The following ASAH1 variants were observed in gnomAD, a reference collection of about 807,000 sequenced individuals.
ASAH1 encodes the protein N-acylsphingosine amidohydrolase 1.
ASAH1 carries 70 observed loss-of-function variants against 59.5 expected under a neutral mutation model. The ratio of observed to expected loss-of-function variants is 1.18; its 90% confidence interval spans 0.97 to 1.43. The LOEUF is 1.43. Among genes scored for constraint, ASAH1 ranks in the 40% most tolerant of loss-of-function variants. ASAH1 has a pLI of 0.00. For missense variants in ASAH1, 660 were observed against 482.5 expected (o/e 1.37, Z -3.45); for synonymous variants, 213 against 166.5 (o/e 1.28, Z -2.15).
rs144363797 is a variant in ASAH1, at chr8:18,059,414, C to T, written c.968G>A (p.Arg323His). ...ATCAAGGAAGAAGGGATGTTTCCAA[C>T]GGTCATAATTTGTTTGTACCACATA... ...RWYVVQTNYD[R>H]WKHPFFLDDR... is the part of the protein sequence containing the mutation. Residue 323 changes from arginine (R) to histidine (H), a missense_variant, in exon 12 of 14, where the codon CGT becomes CAT. By Grantham distance (29) the Arg-to-His change is conservative. Coordinates refer to ENST00000637790, the MANE Select transcript of ASAH1 (RefSeq NM_177924.5). The T allele has an allele frequency of 3.0e-5, 49 of 1,614,136 alleles. No homozygotes were observed. The highest frequency in any genetic ancestry group is 1.3e-4 in the Admixed American group (8 of 60,012).
chr8:18,064,528 TCTC>T lies in ASAH1; in HGVS notation c.383_385del (p.Gly128del), dbSNP rs1223284488. Reference sequence around the variant, plus strand: ...ATAAAAAATATTGAATGAAATAATCTCTCCTATGAGAAAAGAAAATTTTGTGTT... The same window carrying T: ...ATAAAAAATATTGAATGAAATAATCTCTATGAGAAAAGAAAATTTTGTGTT... On this transcript the variant is annotated inframe_deletion and splice_region_variant, in exon 6 of 14. Coordinates refer to ENST00000637790, the MANE Select transcript of ASAH1 (RefSeq NM_177924.5). 6.6e-7 allele frequency: 1 copy of T among 1,524,112 alleles called. No homozygotes were observed. The highest frequency in any genetic ancestry group is 9.0e-7 in the Non-Finnish European group (1 of 1,105,426). 94.4% of individuals were successfully genotyped at this position (1,524,112 alleles called of 1,614,324 possible). A position where few individuals can be genotyped will look rare whatever the true frequency, so the allele number is the denominator to read the frequency against.
intron 1 of ASAH1, chr8:18,082,393 GCT>G (rs1308839070): frequency 2.0e-5 from 3 of 152,128 alleles, no homozygotes; most frequent in African/African-American, 7.2e-5. Flanking sequence ...AGCCAGGTAA[GCT>G]CTGTTTTCCT....
chr8:18,083,768 G>T, intron 1 of ASAH1: 1 of 926,056 alleles, frequency 1.1e-6, no homozygotes, highest in Admixed American at 2.8e-5. Flanking sequence ...TTCCTTTAAA[G>T]GAGTTCTAGT....
chr8:18,057,589 T>A lies in ASAH1; in HGVS notation c.1133A>T (p.Lys378Ile), dbSNP rs1327644637. 1.9e-6 allele frequency: 3 copies of A among 1,604,670 alleles called. No homozygotes were observed. In the Admixed American group the frequency reaches 5.0e-5, roughly 27 times the overall value. The change falls in exon 14 of 14, where the codon AAA becomes ATA. Residue 378 changes from lysine (K) to isoleucine (I), a missense_variant. Coordinates refer to ENST00000637790, the MANE Select transcript of ASAH1 (RefSeq NM_177924.5). ...CCGCAGGTAAGTTTCGAATTGACCTTTGGTAACATCTATCAAGGTTGTGTA... is the reference window on the plus strand; with the variant it reads ...CCGCAGGTAAGTTTCGAATTGACCTATGGTAACATCTATCAAGGTTGTGTA... ...TVYTTLIDVT[K>I]GQFETYLRDC...
intron 1 of ASAH1, chr8:18,082,597 C>T (rs1257777169): frequency 1.3e-5 from 2 of 152,212 alleles, no homozygotes; most frequent in Admixed American, 6.5e-5. Flanking sequence ...TTTACTCAGT[C>T]AGAATTGCCC....
intron 5 of ASAH1, 87 bp from the exon 6 acceptor site, chr8:18,064,618 A>T: frequency 1.2e-6 from 1 of 815,010 alleles, no homozygotes; most frequent in Non-Finnish European, 2.0e-6. Flanking sequence ...CAGTGTTTTC[A>T]TTGTGTGAGT....
In ASAH1 at chr8:18,064,364, G is replaced by C. The variant is rs7016742; in HGVS notation, c.457+93C>G. On this transcript the variant is annotated intron_variant, in intron 6 of 13. Transcript: ENST00000637790. ...ATGCAACATACACAGAATTTACATA[G>C]CAAGCCCAAATTTCAGAAGTTCTAA... is the stretch of plus-strand genomic sequence containing the variant. 2.0e-3 allele frequency: 2,054 copies of C among 1,006,720 alleles called. 22 individuals are homozygous for C. The African/African-American group carries it at 0.027, about 13-fold the overall frequency. The allele number at this position is 1,006,720 out of a possible 1,614,324, so 62.4% of individuals were successfully genotyped here. A position where few individuals can be genotyped will look rare whatever the true frequency, so the allele number is the denominator to read the frequency against.
chr8:18,078,422 G>A (rs1469297505), intron 1 of ASAH1, among the ~76,000 whole-genome samples: 1 of 152,168 alleles, frequency 6.6e-6, no homozygotes, highest in Non-Finnish European at 1.5e-5. Context: ...ATAGAACCTG[G>A]CTGCAAGGAA....
chr8:18,084,953 T>A (rs111351974), upstream of ASAH1: 15 of 1,161,004 alleles, frequency 1.3e-5, no homozygotes, highest in African/African-American at 1.1e-4. Flanking sequence ...GGTGACCGGG[T>A]TGGATTTCAA....
intron 13 of ASAH1, 75 bp downstream of exon 13, chr8:18,058,760 G>T (rs534249736): frequency 1.5e-6 from 2 of 1,316,792 alleles, no homozygotes; most frequent in East Asian, 4.6e-5. Flanking sequence ...ACTGATCAAA[G>T]ATAACAGAGA....
chr8:18,084,205 G>C, upstream of ASAH1: 1 of 1,520,348 alleles, frequency 6.6e-7, no homozygotes, highest in Non-Finnish European at 8.8e-7. Flanking sequence ...CTCGGAGGAG[G>C]CGGGACTGGG....
At position 18,061,569 on chromosome 8, in the gene ASAH1, A is replaced by G; in HGVS notation, c.704-111T>C. 22 of 1,454,148 alleles carry G rather than the reference A, an allele frequency of 1.5e-5. 1 individual carries two copies. The South Asian group carries it at 2.4e-4, about 16-fold the overall frequency. The allele number at this position is 1,454,148 out of a possible 1,614,324, so 90.1% of individuals were successfully genotyped here. A position where few individuals can be genotyped will look rare whatever the true frequency, so the allele number is the denominator to read the frequency against. On this transcript the variant is annotated intron_variant, in intron 9 of 13. Transcript: ENST00000637790. ...CCAGTCAGGAACCAGAAGAGGTTAG[A>G]CTTTGTAACCAGTCGGGAACCGGAA...
In ASAH1 at chr8:18,071,689, C is replaced by T. The variant is rs76780367; in HGVS notation, c.126-299G>A. 2.0e-3 allele frequency among the ~76,000 whole-genome samples: 281 copies of T among 141,622 alleles called. 3 individuals are homozygous for T. The highest frequency in any genetic ancestry group is 0.015 in the Admixed American group (200 of 13,016). The allele number at this position is 141,622 out of a possible 152,430, so 92.9% of individuals were successfully genotyped here. ...AGAGCTCTAACCTGATTATCACTGA[C>T]GGGAAATACCTGCCATTTTTTTTTT... On this transcript the variant is annotated intron_variant, in intron 2 of 13. Coordinates refer to ENST00000637790, the MANE Select transcript of ASAH1 (RefSeq NM_177924.5).
At chr8:18,084,112 G>T (rs1309071008), upstream of ASAH1, 7 of 1,589,484 alleles carry the variant, frequency 4.4e-6, no homozygotes, top group East Asian at 6.7e-5. Context: ...AAGAAGAGCC[G>T]GCTGGGCCGG....
chr8:18,075,001 C>CTTTTTTTTT (rs769278694), intron 2 of ASAH1, among the ~76,000 whole-genome samples: 59 of 148,532 alleles, frequency 4.0e-4, no homozygotes, highest in Admixed American at 6.8e-4. Flanking sequence ...AAAATCCTTT[C>CTTTTTTTTT]CTTTTTTTTT....
intron 6 of ASAH1, chr8:18,064,031 G>C (rs550177604): frequency 2.0e-4 from 52 of 261,784 alleles, no homozygotes; most frequent in Non-Finnish European, 2.8e-4. Flanking sequence ...ATACGGGAAA[G>C]TGAGGCTGGT....
chr8:18,063,115 G>A (rs1204604028), intron 7 of ASAH1, 70 bp downstream of exon 7: 16 of 1,441,576 alleles, frequency 1.1e-5, no homozygotes, highest in Admixed American at 1.0e-4. Context: ...TGATCCACCC[G>A]TGTCAGCCTC....
chr8:18,058,694 A>C, intron 13 of ASAH1, 141 bp downstream of exon 13: 1 of 749,030 alleles, frequency 1.3e-6, no homozygotes, highest in Non-Finnish European at 2.3e-6. Flanking sequence ...TTAGCCACAC[A>C]AAAACATTTT....
At chr8:18,060,100 G>A (rs183154550) in intron 10 of ASAH1, 164 of 207,782 alleles carry the variant, frequency 7.9e-4, no homozygotes, top group African/African-American at 4.0e-4. Flanking sequence ...GACTTAGAAC[G>A]GAAATGTTTA....
Sources: allele counts gnomAD v4.1 joint callset (sites outside exome capture counted in the v4.1 genomes callset), GRCh38; gene constraint gnomAD v4.1.1; transcripts MANE v1.5; gene names NCBI Gene and HGNC (gene_info 2026-07-23, HGNC 2026-07-21).